Variants in CEP70 observed in about 807,000 individuals in gnomAD.
The protein encoded by CEP70 is centrosomal protein 70.
A neutral mutation model predicts 90.9 loss-of-function variants in CEP70; 70 were observed. The ratio of observed to expected loss-of-function variants is 0.77; its 90% CI spans 0.64 to 0.94. The LOEUF (loss-of-function observed/expected upper bound fraction) is 0.94. Ranked by LOEUF, CEP70 falls within the 40% of genes least tolerant of loss-of-function variation. The pLI is 0.00. For missense variants in CEP70, 648 were observed against 669.0 expected (o/e 0.97, Z 0.35); for synonymous variants, 220 against 228.3 (o/e 0.96, Z 0.33).
intron 2 of CEP70, among the ~76,000 whole-genome samples, chr3:138,591,519 A>C (rs918349064): frequency 1.3e-5 from 2 of 152,268 alleles, no homozygotes; most frequent in Middle Eastern, 3.4e-3. Context: ...TGTGTGCTTC[A>C]ATTTCCTCAT....
At chr3:138,578,319 G>C (rs148840424) in intron 2 of CEP70, among the ~76,000 whole-genome samples, 20 of 152,130 alleles carry the variant, frequency 1.3e-4, no homozygotes, top group African/African-American at 4.8e-4. Context: ...CATCTGTGCT[G>C]GAAGAAAAAA....
intron 11 of CEP70, among the ~76,000 whole-genome samples, chr3:138,519,263 A>G (rs965385173): frequency 5.9e-5 from 9 of 152,240 alleles, no homozygotes; most frequent in African/African-American, 2.2e-4. Context: ...ACTCTGCAGT[A>G]TATTATCCAG....
At chr3:138,501,287 G>A (rs979085561) in intron 13 of CEP70, among the ~76,000 whole-genome samples, 1 of 151,972 alleles carries the variant, frequency 6.6e-6, no homozygotes, top group African/African-American at 2.4e-5. Context: ...GCTTTATTGA[G>A]ATGTAATTCA....
At chr3:138,515,113 A>G (rs2035884035) in intron 11 of CEP70, among the ~76,000 whole-genome samples, 1 of 152,180 alleles carries the variant, frequency 6.6e-6, no homozygotes. Context: ...GTTATGTTCT[A>G]TAAAATCACT....
chr3:138,557,825 T>C (rs987062106), intron 6 of CEP70, among the ~76,000 whole-genome samples: 5 of 151,918 alleles, frequency 3.3e-5, no homozygotes, highest in Non-Finnish European at 7.4e-5. Context: ...AAAAAAGAAA[T>C]AAGACATAAC....
intron 11 of CEP70, among the ~76,000 whole-genome samples, chr3:138,522,195 T>G (rs1318243182): frequency 1.3e-5 from 2 of 151,904 alleles, no homozygotes; most frequent in African/African-American, 4.8e-5. Context: ...TTTGTTCACA[T>G]GTTTATCTGC....
chr3:138,538,727 C>T (rs1470137345), intron 6 of CEP70, among the ~76,000 whole-genome samples: 1 of 152,040 alleles, frequency 6.6e-6, no homozygotes, highest in Non-Finnish European at 1.5e-5. Flanking sequence ...AATCCTTATT[C>T]TTTTTCTTTT....
intron 1 of CEP70, among the ~76,000 whole-genome samples, chr3:138,593,496 T>C (rs539722127): frequency 9.2e-5 from 14 of 152,218 alleles, no homozygotes; most frequent in Non-Finnish European, 1.6e-4. Flanking sequence ...GTGCTGAGAT[T>C]ACAGGCGTAA....
Position 138,505,361 on chromosome 3 carries a change from T to A in CEP70, c.1155A>T (p.Gln385His), listed in dbSNP as rs147166309. 2.8e-5 allele frequency: 45 copies of A among 1,612,814 alleles called. No homozygotes were observed. The African/African-American group carries it at 5.5e-4, about 20-fold the overall frequency. ...GVQNFNKDLV[Q>H]DCGFEHLVPV... ...GAACAAGATGCTCAAATCCACAATC[T>A]TGAACAAGATCTTTATTAAAATTTT... Residue 385 changes from glutamine to histidine, a missense_variant, in exon 13 of 18, where the codon CAA (glutamine) becomes CAT (histidine). By Grantham distance (24) the Gln-to-His change is conservative. Coordinates refer to ENST00000264982, the MANE Select transcript of CEP70 (RefSeq NM_024491.4).
At chr3:138,554,509 G>T (rs943030564) in intron 6 of CEP70, among the ~76,000 whole-genome samples, 16 of 152,172 alleles carry the variant, frequency 1.1e-4, no homozygotes, top group African/African-American at 3.9e-4. Flanking sequence ...ACCCAAATCA[G>T]TAAAGAGGAA....
At position 138,556,251 on chromosome 3, in the gene CEP70, C is replaced by T. The variant is rs187798999; in HGVS notation, c.465+14067G>A. ...AAGGCATGAGAAAGATACAACGGGC[C>T]GGGCACGGTGGCTCACGCCTGTAAT... is the stretch of plus-strand genomic sequence containing the variant. On this transcript the variant is annotated intron_variant, in intron 6 of 17. Coordinates refer to ENST00000264982, the MANE Select transcript of CEP70 (RefSeq NM_024491.4). Among the ~76,000 whole-genome samples, 30 of 152,228 alleles carry T rather than the reference C, an allele frequency of 2.0e-4. No individual in the cohort carries two copies. In the South Asian group the frequency reaches 2.9e-3, roughly 15 times the overall value.
intron 2 of CEP70, among the ~76,000 whole-genome samples, chr3:138,585,895 G>C (rs922380669): frequency 6.6e-6 from 1 of 152,096 alleles, no homozygotes; most frequent in Non-Finnish European, 1.5e-5. Flanking sequence ...AATGAATCAA[G>C]ACTTAAATCT....
chr3:138,498,086 GT>G lies in CEP70; in HGVS notation c.1676del (p.His559ProfsTer19). On this transcript the variant is annotated frameshift_variant, in exon 17 of 18. Coordinates refer to ENST00000264982, the MANE Select transcript of CEP70 (RefSeq NM_024491.4). LOFTEE classifies it high-confidence loss of function. ...LQSIIYKLEE[H>X]EEFFPAFQAF... ...CCTGAAATGCTGGGAAAAATTCCTCGTGTTCTTCCAATTTGTAGATAATGCT... is the reference window on the plus strand; with the variant it reads ...CCTGAAATGCTGGGAAAAATTCCTCGGTTCTTCCAATTTGTAGATAATGCT... The G allele has an allele frequency of 6.2e-7, 1 of 1,612,960 alleles. No individual in the cohort carries two copies. The highest frequency in any genetic ancestry group is 1.3e-5 in the African/African-American group (1 of 74,936).
intron 2 of CEP70, among the ~76,000 whole-genome samples, chr3:138,577,927 C>T (rs550953404): frequency 6.6e-6 from 1 of 152,146 alleles, no homozygotes; most frequent in African/African-American, 2.4e-5. Context: ...AATAAAGAAA[C>T]AATTCTGGGA....
intron 11 of CEP70, among the ~76,000 whole-genome samples, chr3:138,521,371 C>G (rs1490829627): frequency 6.6e-6 from 1 of 151,686 alleles, no homozygotes; most frequent in Non-Finnish European, 1.5e-5. Context: ...AGGAGCGTCT[C>G]TGCCTGGCCG....
At chr3:138,497,591 C>T (rs1431746561) in intron 17 of CEP70, 1 of 955,542 alleles carries the variant, frequency 1.0e-6, no homozygotes, top group Non-Finnish European at 1.2e-6. Context: ...TTCCTTTCCA[C>T]AGATATTTAT....
In CEP70 at chr3:138,530,752, T is replaced by C. The variant is rs958446586; in HGVS notation, c.693-1290A>G. ...TCTTTACTAATGTAATACTTGTCAA[T>C]GAATTGTTACATCCTCCTGTTACAG... is the stretch of plus-strand genomic sequence containing the variant. On this transcript the variant is annotated intron_variant, in intron 8 of 17. Coordinates refer to ENST00000264982, the MANE Select transcript of CEP70 (RefSeq NM_024491.4). 9 of 985,310 alleles carry C rather than the reference T, an allele frequency of 9.1e-6. No individual in the cohort carries two copies. In the African/African-American group the frequency reaches 1.6e-4, roughly 17 times the overall value. 61.0% of individuals were successfully genotyped at this position (985,310 alleles called of 1,614,324 possible). A position where few individuals can be genotyped will look rare whatever the true frequency, so the allele number is the denominator to read the frequency against.
At position 138,571,141 on chromosome 3, in the gene CEP70, G is replaced by A. The variant is rs141652988; in HGVS notation, c.177C>T (p.Asp59=). Residue 59 remains aspartate (D), a synonymous_variant, in exon 5 of 18, where the codon GAC becomes GAT. Transcript: ENST00000264982. The part of the protein sequence containing the change: ...RTDLKDLIIF[D]KQSSQRMRQN... The stretch of plus-strand genomic sequence containing the variant: ...GTCTCATCCTTTGTGATGACTGTTT[G>A]TCAAAAATGATGAGATCTACATTTA... 1.3e-6 allele frequency: 2 copies of A among 1,591,290 alleles called. No homozygotes were observed. The highest frequency in any genetic ancestry group is 1.7e-6 in the Non-Finnish European group (2 of 1,166,032).
chr3:138,512,918 C>T (rs1234999577), intron 11 of CEP70, among the ~76,000 whole-genome samples: 1 of 152,190 alleles, frequency 6.6e-6, no homozygotes, highest in African/African-American at 2.4e-5. Flanking sequence ...ATGTGAGCTT[C>T]TCAAAGCTAT....
Sources: allele counts gnomAD v4.1 joint callset (sites outside exome capture counted in the v4.1 genomes callset), GRCh38; gene constraint gnomAD v4.1.1; transcripts MANE v1.5; gene names NCBI Gene and HGNC (gene_info 2026-07-23, HGNC 2026-07-21).